The following KIF1B variants were observed in gnomAD, a reference collection of about 807,000 sequenced individuals.
KIF1B encodes kinesin-like protein KIF1B.
Under a neutral mutation model 241.9 loss-of-function variants are expected in KIF1B, and 76 were observed. That is an observed-to-expected ratio of 0.31 (90% CI 0.26 to 0.38). The LOEUF is 0.38. Among genes scored for constraint, KIF1B ranks in the 10% least tolerant of loss-of-function variants. The pLI is 1.00. For synonymous variants in KIF1B, 750 were observed against 796.7 expected (o/e 0.94, Z 0.99); for missense variants, 1,622 against 2,271.4 (o/e 0.71, Z 5.81).
In KIF1B at chr1:10,378,232, C is replaced by A; in HGVS notation, c.*1645C>A. On this transcript the variant is annotated 3_prime_UTR_variant, in exon 49 of 49. Transcript: ENST00000676179. ...CGGATGAACGTCCAGGGAGCCCGGG[C>A]CCCAGGCTTTGTTGCGTGTTCCCTG... 2 of 697,376 alleles carry A rather than the reference C, an allele frequency of 2.9e-6. No individual in the cohort carries two copies. Among genetic ancestry groups the A allele is most frequent in the Non-Finnish European group, 5.3e-6 (2 of 376,808 alleles). 43.2% of individuals were successfully genotyped at this position (697,376 alleles called of 1,614,324 possible).
At chr1:10,369,789 G>A (rs150377153) in intron 44 of KIF1B, among the ~76,000 whole-genome samples, 7 of 151,880 alleles carry the variant, frequency 4.6e-5, no homozygotes, top group East Asian at 1.9e-4. Flanking sequence ...AAAATTAGCC[G>A]GATATGGTGG....
chr1:10,294,533 AT>A lies in KIF1B; in HGVS notation c.1591-552del, dbSNP rs774536848. Reference sequence around the variant, plus strand: ...CATTTTTTCCTTGTGCTTTGACCTTATCAAAAATTAGGTCTTGTTTTTTTAT... The same window carrying A: ...CATTTTTTCCTTGTGCTTTGACCTTACAAAAATTAGGTCTTGTTTTTTTAT... On this transcript the variant is annotated intron_variant, in intron 17 of 48. Coordinates refer to ENST00000676179, the MANE Select transcript of KIF1B (RefSeq NM_001365951.3). Among the ~76,000 whole-genome samples, 289 of 152,216 alleles carry A rather than the reference AT, an allele frequency of 1.9e-3. 1 individual carries two copies. The highest frequency in any genetic ancestry group is 3.5e-3 in the Non-Finnish European group (239 of 68,002).
In KIF1B at chr1:10,380,284, A is replaced by C. The variant is rs762218807; in HGVS notation, c.*3697A>C. 5 of 211,424 alleles carry C rather than the reference A, an allele frequency of 2.4e-5. No individual in the cohort carries two copies. The highest frequency in any genetic ancestry group is 3.8e-5 in the Non-Finnish European group (4 of 104,112). The allele number at this position is 211,424 out of a possible 1,614,324, so 13.1% of individuals were successfully genotyped here. ...TTCTCCAGTGTGCACACTCATCGGTACTCTTTCTGCATTTCCCTCGTGCTG... is the reference window on the plus strand; with the variant it reads ...TTCTCCAGTGTGCACACTCATCGGTCCTCTTTCTGCATTTCCCTCGTGCTG... On this transcript the variant is annotated 3_prime_UTR_variant, in exon 49 of 49. Coordinates refer to ENST00000676179, the MANE Select transcript of KIF1B (RefSeq NM_001365951.3).
At chr1:10,348,792 T>TTTTC in intron 37 of KIF1B, 59 bp downstream of exon 37, 1 of 1,305,636 alleles carries the variant, frequency 7.7e-7, no homozygotes, top group Non-Finnish European at 1.1e-6. Context: ...TTTTTTTTTT[T>TTTTC]TGAGATAGGG....
At chr1:10,252,036 A>G (rs990299710) in intron 2 of KIF1B, among the ~76,000 whole-genome samples, 1 of 151,516 alleles carries the variant, frequency 6.6e-6, no homozygotes, top group Non-Finnish European at 1.5e-5. Context: ...CCACTTTTAT[A>G]TTTATTTATT....
At chr1:10,213,197 T>A (rs1188029054) in intron 1 of KIF1B, among the ~76,000 whole-genome samples, 1 of 152,030 alleles carries the variant, frequency 6.6e-6, no homozygotes, top group African/African-American at 2.4e-5. Flanking sequence ...TATTTTTGAT[T>A]AAAAATAATT....
intron 2 of KIF1B, among the ~76,000 whole-genome samples, chr1:10,252,386 T>TTTGTTGTTG (rs70997214): frequency 0.034 from 5,029 of 149,928 alleles, 132 homozygotes; most frequent in East Asian, 0.062. Flanking sequence ...TTGTGGGGTT[T>TTTGTTGTTG]TTGTTGTTGT....
intron 32 of KIF1B, 109 bp downstream of exon 32, chr1:10,339,968 A>G (rs866076076): frequency 1.1e-6 from 1 of 898,754 alleles, no homozygotes; most frequent in Non-Finnish European, 1.8e-6. Context: ...GTGCAGGGGG[A>G]GAGTAGACAA....
In KIF1B at chr1:10,326,245, A is replaced by C; in HGVS notation, c.2810A>C (p.Glu937Ala). 6.2e-7 allele frequency: 1 copy of C among 1,614,044 alleles called. No homozygotes were observed. Among genetic ancestry groups the C allele is most frequent in the Non-Finnish European group, 8.5e-7 (1 of 1,179,958 alleles). ...GATGAGATGGAGGATTTTGATGATG[A>C]GGCATTCGTGGATGACGCCGGCTCT... The part of the protein sequence containing the change: ...QQDEMEDFDD[E>A]AFVDDAGSDA... The change falls in exon 27 of 49, where the codon GAG (glutamate) becomes GCG (alanine). Residue 937 changes from glutamate (E) to alanine (A), a missense_variant. By Grantham distance (107) the Glu-to-Ala change is moderately radical. Transcript: ENST00000676179. This position sits in a 1 kb window ranked among gnomAD's most constrained non-coding sequence, Gnocchi z 5.2.
rs556411909 is a variant in KIF1B at position 10,273,828 on chromosome 1, A to G, written c.882+797A>G. 3.3e-5 allele frequency among the ~76,000 whole-genome samples: 5 copies of G among 151,080 alleles called. No homozygotes were observed. In the East Asian group the frequency reaches 9.7e-4, roughly 29 times the overall value. The stretch of plus-strand genomic sequence containing the variant: ...GAAAAAGTGCTTGTGCAATAGTAGG[A>G]TCATCCTTAGTTTAACCTTGGATTA... On this transcript the variant is annotated intron_variant, in intron 10 of 48. Coordinates refer to ENST00000676179, the MANE Select transcript of KIF1B (RefSeq NM_001365951.3).
chr1:10,305,830 C>A (rs1307451328), intron 22 of KIF1B: 2 of 1,052,878 alleles, frequency 1.9e-6, no homozygotes. Context: ...CTACATCGTT[C>A]CTCATCTCTT....
intron 35 of KIF1B, among the ~76,000 whole-genome samples, chr1:10,346,167 C>T (rs776344870): frequency 5.9e-5 from 9 of 152,050 alleles, no homozygotes; most frequent in South Asian, 2.1e-4. Flanking sequence ...CCTCCTGCTT[C>T]GACCTCCCAA....
At position 10,233,435 on chromosome 1, in the gene KIF1B, A is replaced by G. The variant is rs767580814; in HGVS notation, c.106+1001A>G. On this transcript the variant is annotated intron_variant, in intron 2 of 48. Coordinates refer to ENST00000676179, the MANE Select transcript of KIF1B (RefSeq NM_001365951.3). ...GTTGAGGCTGCAGTGAGCTGTATTC[A>G]TGTCACTGCACTCCAGACTTGGCAA... Among the ~76,000 whole-genome samples the G allele has an allele frequency of 1.4e-4, 22 of 152,218 alleles. No homozygotes were observed. The Middle Eastern group carries it at 0.01, about 71-fold the overall frequency.
chr1:10,216,034 T>G (rs1646763355), intron 1 of KIF1B, among the ~76,000 whole-genome samples: 1 of 152,190 alleles, frequency 6.6e-6, no homozygotes, highest in African/African-American at 2.4e-5. Flanking sequence ...CACTTTACGT[T>G]TATTAACTAA....
intron 1 of KIF1B, among the ~76,000 whole-genome samples, chr1:10,228,962 G>T (rs993702763): frequency 6.6e-6 from 1 of 152,162 alleles, no homozygotes; most frequent in African/African-American, 2.4e-5. Flanking sequence ...GGGAAGATTG[G>T]CAGAGATTGC....
chr1:10,298,953 AT>A (rs1650402056), intron 22 of KIF1B: 1 of 152,120 alleles, frequency 6.6e-6, no homozygotes, highest in South Asian at 2.1e-4. Context: ...CTCACTTAGA[AT>A]AACTAAGCAC....
At chr1:10,304,822 T>C in intron 22 of KIF1B, 1 of 1,461,134 alleles carries the variant, frequency 6.8e-7, no homozygotes, top group East Asian at 2.5e-5. Flanking sequence ...CCCTTTTGCT[T>C]GTATACCATA....
intron 15 of KIF1B, among the ~76,000 whole-genome samples, chr1:10,288,709 C>CT (rs1203122763): frequency 1.7e-5 from 2 of 114,332 alleles, no homozygotes; most frequent in East Asian, 2.3e-4. Flanking sequence ...TCATCTTTCT[C>CT]TTTTTTTTAA....
At chr1:10,263,297 A>G (rs1420741298) in intron 5 of KIF1B, among the ~76,000 whole-genome samples, 1 of 151,716 alleles carries the variant, frequency 6.6e-6, no homozygotes. Flanking sequence ...TAATAAATAA[A>G]TAAAAAGAAG....
Sources: gnomAD v4.1 joint callset for allele counts (sites outside exome capture counted in the v4.1 genomes callset) on GRCh38, gnomAD v4.1.1 for gene constraint, Gnocchi (gnomAD v3.1) non-coding constraint, MANE v1.5 for transcripts, NCBI Gene and HGNC (gene_info 2026-07-23, HGNC 2026-07-21) for gene names.